Variants in EFCAB6 observed in about 807,000 individuals in gnomAD.
EFCAB6 encodes the protein EF-hand calcium-binding domain-containing protein 6.
In EFCAB6, 156 loss-of-function variants were observed where a neutral mutation model predicts 169.8. The observed-to-expected ratio is 0.92, with a 90% CI of 0.81 to 1.05. EFCAB6 has a LOEUF of 1.05. EFCAB6 is among the 50% of genes least tolerant of loss of function. The pLI is 0.00. For missense variants in EFCAB6, 1,800 were observed against 1,829.1 expected (o/e 0.98, Z 0.29); for synonymous variants, 698 against 676.4 (o/e 1.03, Z -0.50).
intron 26 of EFCAB6, among the ~76,000 whole-genome samples, chr22:43,562,704 A>C (rs1241681710): frequency 7.3e-5 from 2 of 27,464 alleles, no homozygotes; most frequent in African/African-American, 3.5e-4. Context: ...GGTGGGAGGG[A>C]GGCAGCCTGG....
chr22:43,718,711 GC>G (rs1412403077), intron 8 of EFCAB6, among the ~76,000 whole-genome samples: 7 of 152,306 alleles, frequency 4.6e-5, no homozygotes, highest in African/African-American at 1.7e-4. Context: ...AACCTGGGAG[GC>G]GGAGGTTGTA....
At chr22:43,573,191 C>CA (rs1234053070) in intron 26 of EFCAB6, among the ~76,000 whole-genome samples, 1 of 151,762 alleles carries the variant, frequency 6.6e-6, no homozygotes, top group Non-Finnish European at 1.5e-5. Context: ...GAAGAAACAG[C>CA]AAAAAAACAA....
chr22:43,609,361 T>C (rs989518391), intron 21 of EFCAB6, among the ~76,000 whole-genome samples: 2 of 152,174 alleles, frequency 1.3e-5, no homozygotes, highest in Non-Finnish European at 2.9e-5. Context: ...GGTGTAACGA[T>C]AGGACAGGAA....
Position 43,804,758 on chromosome 22 carries a change from CAAAAAAAA to C in EFCAB6, c.-8+4229_-8+4236del, listed in dbSNP as rs57008458. On this transcript the variant is annotated intron_variant, in intron 2 of 31. Coordinates refer to ENST00000262726, the MANE Select transcript of EFCAB6 (RefSeq NM_022785.4). ...CAGCCTGGGCAACAGAGCCCTGCCT[CAAAAAAAA>C]AAAAAAAAAAAATCAGAGGATAAAT... Among the ~76,000 whole-genome samples the C allele has an allele frequency of 2.4e-5, 3 of 127,056 alleles. No individual in the cohort carries two copies. In the East Asian group the frequency reaches 6.9e-4, roughly 29 times the overall value. The allele number at this position is 127,056 out of a possible 152,430, so 83.4% of individuals were successfully genotyped here.
At chr22:43,639,447 C>A (rs932510333) in intron 17 of EFCAB6, among the ~76,000 whole-genome samples, 2 of 152,136 alleles carry the variant, frequency 1.3e-5, no homozygotes, top group Non-Finnish European at 2.9e-5. Context: ...TTGCTTTTTT[C>A]CTTTTTCCTT....
At chr22:43,692,817 A>C (rs1011464434) in intron 10 of EFCAB6, among the ~76,000 whole-genome samples, 7 of 152,182 alleles carry the variant, frequency 4.6e-5, no homozygotes, top group Non-Finnish European at 7.4e-5. Flanking sequence ...GACAGAAAAA[A>C]ATATTTGAAG....
chr22:43,540,758 C>G (rs2047668404), intron 27 of EFCAB6, among the ~76,000 whole-genome samples: 1 of 152,200 alleles, frequency 6.6e-6, no homozygotes, highest in Admixed American at 6.5e-5. Context: ...TCTCACCCTT[C>G]CAGGTACACC....
intron 13 of EFCAB6, among the ~76,000 whole-genome samples, chr22:43,674,840 G>A (rs970511784): frequency 6.6e-6 from 1 of 152,094 alleles, no homozygotes; most frequent in Non-Finnish European, 1.5e-5. Context: ...CAGCTAATAA[G>A]GGGTGGAGGC....
intron 5 of EFCAB6, chr22:43,759,207 C>A (rs2061064318): frequency 1.3e-5 from 2 of 152,248 alleles, no homozygotes; most frequent in South Asian, 4.1e-4. Flanking sequence ...TCTGTTGATG[C>A]TGTTTCCTTT....
intron 17 of EFCAB6, among the ~76,000 whole-genome samples, chr22:43,635,467 C>T (rs1304957766): frequency 6.6e-6 from 1 of 152,206 alleles, no homozygotes; most frequent in Admixed American, 6.5e-5. Context: ...CTCAGGCCCA[C>T]AGGTGCCACT....
intron 17 of EFCAB6, among the ~76,000 whole-genome samples, chr22:43,640,889 C>G (rs1297094315): frequency 2.0e-5 from 3 of 152,160 alleles, no homozygotes; most frequent in African/African-American, 7.2e-5. Context: ...CCCAGGAATA[C>G]TTTCTGGGTG....
At chr22:43,749,165 G>C (rs2060668099) in intron 6 of EFCAB6, among the ~76,000 whole-genome samples, 1 of 152,080 alleles carries the variant, frequency 6.6e-6, no homozygotes, top group African/African-American at 2.4e-5. Flanking sequence ...GTAAGGGAGA[G>C]GTAATCAAGA....
At chr22:43,758,421 A>C (rs908333422) in intron 5 of EFCAB6, among the ~76,000 whole-genome samples, 2 of 152,150 alleles carry the variant, frequency 1.3e-5, no homozygotes, top group Admixed American at 6.5e-5. Context: ...ATTCTTTAGC[A>C]GTTACCCTAA....
At chr22:43,760,905 C>T (rs2061141989) in intron 5 of EFCAB6, among the ~76,000 whole-genome samples, 1 of 152,222 alleles carries the variant, frequency 6.6e-6, no homozygotes, top group Non-Finnish European at 1.5e-5. Flanking sequence ...TCAAGTGATC[C>T]ACCCGCCTTG....
At chr22:43,633,743 G>C (rs997825274) in intron 18 of EFCAB6, among the ~76,000 whole-genome samples, 1 of 152,160 alleles carries the variant, frequency 6.6e-6, no homozygotes, top group African/African-American at 2.4e-5. Context: ...AGATGGATGG[G>C]GGACAGGGCG....
chr22:43,805,071 A>C (rs1314934827), intron 2 of EFCAB6, among the ~76,000 whole-genome samples: 1 of 152,248 alleles, frequency 6.6e-6, no homozygotes, highest in Non-Finnish European at 1.5e-5. Context: ...ATACATACCA[A>C]CAGCAAACAA....
intron 3 of EFCAB6, among the ~76,000 whole-genome samples, chr22:43,774,538 T>A (rs1421744467): frequency 1.3e-5 from 2 of 151,478 alleles, no homozygotes; most frequent in Non-Finnish European, 2.9e-5. Context: ...GGGCTGGGGA[T>A]GACTCTCGCT....
intron 10 of EFCAB6, among the ~76,000 whole-genome samples, chr22:43,687,795 T>C (rs1225688838): frequency 6.6e-6 from 1 of 152,252 alleles, no homozygotes; most frequent in Non-Finnish European, 1.5e-5. Context: ...TGCATGCCTC[T>C]ATATTGTTAA....
rs1043854802 is a variant in EFCAB6, at chr22:43,744,666, T to C, written c.508-8673A>G. ...GGGGCTAAGTCAGGGCTGATCTTCCTCAACAGGAAACCATGAAGTTCAGAG... is the reference window on the plus strand; with the variant it reads ...GGGGCTAAGTCAGGGCTGATCTTCCCCAACAGGAAACCATGAAGTTCAGAG... On this transcript the variant is annotated intron_variant, in intron 6 of 31. Transcript: ENST00000262726. The surrounding 1 kb of genome is among the most constrained non-coding windows in gnomAD (Gnocchi z 4.3). Among the ~76,000 whole-genome samples the C allele has an allele frequency of 6.6e-6, 1 of 152,016 alleles. No individual in the cohort carries two copies. Among genetic ancestry groups the C allele is most frequent in the Non-Finnish European group, 1.5e-5 (1 of 67,988 alleles).
Sources: gnomAD v4.1 joint callset for allele counts (sites outside exome capture counted in the v4.1 genomes callset) on GRCh38, gnomAD v4.1.1 for gene constraint, Gnocchi (gnomAD v3.1) non-coding constraint, MANE v1.5 for transcripts, NCBI Gene and HGNC (gene_info 2026-07-23, HGNC 2026-07-21) for gene names.